Variants in CACNA2D3 observed in about 807,000 individuals in gnomAD.
CACNA2D3 encodes calcium voltage-gated channel auxiliary subunit alpha2delta 3.
CACNA2D3 carries 60 observed loss-of-function variants against 160.6 expected under a neutral mutation model. That is an observed-to-expected ratio of 0.37 (90% CI 0.30 to 0.46). The LOEUF is 0.46. Among genes scored for constraint, CACNA2D3 ranks in the 20% least tolerant of loss-of-function variants. The pLI is 1.00. For synonymous variants in CACNA2D3, 558 were observed against 492.9 expected, an observed-to-expected ratio of 1.13 and a Z score of -1.75; for missense variants, 1,205 against 1,365.0, an observed-to-expected ratio of 0.88 and a Z score of 1.85.
At chr3:54,327,021 A>G (rs999217222) in intron 3 of CACNA2D3, among the ~76,000 whole-genome samples, 3 of 152,218 alleles carry the variant, frequency 2.0e-5, no homozygotes, top group African/African-American at 7.2e-5. Context: ...ACCTCAAACC[A>G]GAAGAATCTT....
intron 13 of CACNA2D3, among the ~76,000 whole-genome samples, chr3:54,776,544 C>A (rs1478985206): frequency 3.3e-5 from 5 of 152,052 alleles, no homozygotes; most frequent in Non-Finnish European, 7.4e-5. Flanking sequence ...AGCAACCAAA[C>A]AAAGACAAAA....
chr3:54,565,360 C>T (rs914956230), intron 6 of CACNA2D3, among the ~76,000 whole-genome samples: 1 of 152,122 alleles, frequency 6.6e-6, no homozygotes, highest in Non-Finnish European at 1.5e-5. Context: ...CAACTCCTGG[C>T]GTGAGAGGAA....
intron 5 of CACNA2D3, among the ~76,000 whole-genome samples, chr3:54,556,323 A>T (rs1702241672): frequency 6.6e-6 from 1 of 152,192 alleles, no homozygotes; most frequent in Admixed American, 6.5e-5. Flanking sequence ...ACACAGAGAC[A>T]CACAGAAGGG....
chr3:54,310,083 G>A (rs1703702570), intron 2 of CACNA2D3, among the ~76,000 whole-genome samples: 1 of 152,048 alleles, frequency 6.6e-6, no homozygotes, highest in Non-Finnish European at 1.5e-5. Flanking sequence ...ATCTGGAAGA[G>A]CACAGCATTA....
rs575969444 is a variant in CACNA2D3 at position 54,740,124 on chromosome 3, C to A, written c.1168-12475C>A. Among the ~76,000 whole-genome samples the A allele has an allele frequency of 1.0e-3, 154 of 151,878 alleles. 1 individual carries two copies. The highest frequency in any genetic ancestry group is 1.7e-3 in the Non-Finnish European group (114 of 67,988). ...GTCAGCAGCAAGGAGAAAAGGACAC[C>A]AAAGACAGGGGAGCCACAGAACACG... On this transcript the variant is annotated intron_variant, in intron 11 of 37. Transcript: ENST00000474759.
intron 2 of CACNA2D3, among the ~76,000 whole-genome samples, chr3:54,212,256 A>C (rs1701387801): frequency 6.6e-6 from 1 of 152,324 alleles, no homozygotes; most frequent in South Asian, 2.1e-4. Flanking sequence ...TTAGGGAGAC[A>C]TAATACATCA....
chr3:54,580,324 G>A (rs577719787), intron 8 of CACNA2D3, among the ~76,000 whole-genome samples: 1 of 152,148 alleles, frequency 6.6e-6, no homozygotes, highest in East Asian at 1.9e-4. Flanking sequence ...TGGGAAACCT[G>A]ATGCATCCCA....
chr3:54,646,178 CCCTCCCTCCTTCCTTG>C (rs1274583629), intron 11 of CACNA2D3, among the ~76,000 whole-genome samples: 7 of 27,490 alleles, frequency 2.5e-4, no homozygotes, highest in Non-Finnish European at 2.4e-4. Flanking sequence ...CTCCCTCCCT[CCCTCCCTCCTTCCTTG>C]CTTCCTTCCT....
chr3:54,623,408 G>C (rs762949145), intron 9 of CACNA2D3, among the ~76,000 whole-genome samples: 1 of 152,224 alleles, frequency 6.6e-6, no homozygotes, highest in Admixed American at 6.5e-5. Flanking sequence ...TGGCCCTTGG[G>C]GTGGAATTCA....
intron 11 of CACNA2D3, among the ~76,000 whole-genome samples, chr3:54,660,916 A>G (rs1699958104): frequency 6.6e-6 from 1 of 152,164 alleles, no homozygotes; most frequent in African/African-American, 2.4e-5. Context: ...GGGGATTCCT[A>G]TCTAGAAAAG....
chr3:54,123,326 C>CGCGCT lies in CACNA2D3; in HGVS notation c.123-181_123-177dup, dbSNP rs1482632802. On this transcript the variant is annotated intron_variant, in intron 1 of 37. Transcript: ENST00000474759. ...CCGCGACCCCCCTCGGGCCCCCTCC[C>CGCGCT]GCGCTGCGCTTTGCAGTTTTGGTGC... 8.4e-6 allele frequency: 5 copies of CGCGCT among 593,738 alleles called. No homozygotes were observed. In the African/African-American group the frequency reaches 9.3e-5, roughly 11 times the overall value. 36.8% of individuals were successfully genotyped at this position (593,738 alleles called of 1,614,324 possible). A position where few individuals can be genotyped will look rare whatever the true frequency, so the allele number is the denominator to read the frequency against.
At chr3:54,449,639 T>C (rs1264062565) in intron 4 of CACNA2D3, among the ~76,000 whole-genome samples, 5 of 152,132 alleles carry the variant, frequency 3.3e-5, no homozygotes, top group African/African-American at 1.2e-4. Context: ...CTTGGTGCTG[T>C]TGTTGAGATA....
At chr3:54,564,975 A>G (rs1029550318) in intron 6 of CACNA2D3, among the ~76,000 whole-genome samples, 1 of 152,166 alleles carries the variant, frequency 6.6e-6, no homozygotes, top group African/African-American at 2.4e-5. Context: ...GCCTTCTTCC[A>G]TTCTAACCTT....
chr3:55,074,115 A>C lies in CACNA2D3; in HGVS notation c.3185A>C (p.Glu1062Ala), dbSNP rs1406467448. ...PESCHGFHPE[E>A]NARECGGAPS... Reference sequence around the variant, plus strand: ...ACCAACCCCTGCCTTTCCCCATAGGAGAATGCAAGGGAGTGTGGGGGTGCG... The same window carrying C: ...ACCAACCCCTGCCTTTCCCCATAGGCGAATGCAAGGGAGTGTGGGGGTGCG... The change falls in exon 38 of 38, where the codon GAG (glutamate) becomes GCG (alanine). Residue 1062 changes from glutamate to alanine, a missense_variant and splice_region_variant. Coordinates refer to ENST00000474759, the MANE Select transcript of CACNA2D3 (RefSeq NM_018398.3). 2 of 1,612,426 alleles carry C rather than the reference A, an allele frequency of 1.2e-6. No individual in the cohort carries two copies. The highest frequency in any genetic ancestry group is 1.7e-6 in the Non-Finnish European group (2 of 1,178,576).
chr3:55,006,354 G>A (rs147142191), intron 32 of CACNA2D3, among the ~76,000 whole-genome samples: 130 of 152,088 alleles, frequency 8.5e-4, no homozygotes, highest in Non-Finnish European at 1.6e-3. Context: ...TCTTTCCCCC[G>A]CAACCTCCAA....
rs141807531 is a variant in CACNA2D3 at position 54,785,159 on chromosome 3, C to T, written c.1380+20808C>T. Among the ~76,000 whole-genome samples, 1,393 of 152,328 alleles carry T rather than the reference C, an allele frequency of 9.1e-3. 21 individuals carry two copies. The highest frequency in any genetic ancestry group is 0.032 in the African/African-American group (1,339 of 41,570). On this transcript the variant is annotated intron_variant, in intron 13 of 37. Transcript: ENST00000474759. ...TGGGATTGGTTGGGATAAGTTACTG[C>T]TAGTCCCATTGTTAGAATATCTTGA...
At chr3:55,016,947 A>G (rs1703338775) in intron 34 of CACNA2D3, among the ~76,000 whole-genome samples, 1 of 152,220 alleles carries the variant, frequency 6.6e-6, no homozygotes, top group Non-Finnish European at 1.5e-5. Flanking sequence ...TTTTGTGTGC[A>G]GTAGCACTGA....
At chr3:54,767,399 G>T (rs1436944119) in intron 13 of CACNA2D3, among the ~76,000 whole-genome samples, 1 of 152,180 alleles carries the variant, frequency 6.6e-6, no homozygotes, top group East Asian at 1.9e-4. Context: ...GTCATTTGTG[G>T]TAATATGGTT....
intron 11 of CACNA2D3, among the ~76,000 whole-genome samples, chr3:54,751,971 T>C: frequency 6.6e-6 from 1 of 152,152 alleles, no homozygotes; most frequent in African/African-American, 2.4e-5. Context: ...TAAGAGAGGG[T>C]TGAGAAACCA....
Sources: allele counts gnomAD v4.1 joint callset (sites outside exome capture counted in the v4.1 genomes callset), GRCh38; gene constraint gnomAD v4.1.1; transcripts MANE v1.5; gene names NCBI Gene and HGNC (gene_info 2026-07-23, HGNC 2026-07-21).